Variants in CSMD3 observed in about 807,000 individuals in gnomAD.
CSMD3 encodes CUB and Sushi multiple domains 3.
A neutral mutation model predicts 435.2 loss-of-function variants in CSMD3; 177 were observed. The observed-to-expected ratio is 0.41, with a 90% confidence interval of 0.36 to 0.46. CSMD3 has a LOEUF of 0.46. Ranked by LOEUF, CSMD3 falls within the 20% of genes least tolerant of loss-of-function variation. The pLI, the probability that CSMD3 is intolerant of heterozygous loss-of-function variation, is 0.34. For missense variants in CSMD3, 4,265 were observed against 4,504.6 expected, an observed-to-expected ratio of 0.95 and a Z score of 1.52; for synonymous variants, 1,656 against 1,520.5, an observed-to-expected ratio of 1.09 and a Z score of -2.07.
intron 2 of CSMD3, among the ~76,000 whole-genome samples, chr8:113,308,174 AATG>A (rs931933149): frequency 3.3e-5 from 5 of 150,840 alleles, no homozygotes; most frequent in Non-Finnish European, 7.4e-5. Flanking sequence ...GATTTTTCTT[AATG>A]ATGATTGATG....
intron 27 of CSMD3, among the ~76,000 whole-genome samples, chr8:112,537,358 C>G (rs901600167): frequency 6.6e-6 from 1 of 150,978 alleles, no homozygotes; most frequent in South Asian, 2.1e-4. Context: ...ACAAATCAAA[C>G]CCCAAATTAG....
chr8:112,692,966 T>TATC (rs1251541683), intron 13 of CSMD3, among the ~76,000 whole-genome samples: 1 of 134,080 alleles, frequency 7.5e-6, no homozygotes, highest in Non-Finnish European at 1.6e-5. Context: ...TCTATCTATC[T>TATC]ATCTATCGAG....
intron 23 of CSMD3, among the ~76,000 whole-genome samples, chr8:112,579,982 A>G (rs1224180270): frequency 6.6e-6 from 1 of 152,102 alleles, no homozygotes; most frequent in Non-Finnish European, 1.5e-5. Flanking sequence ...ATTGCCTTGA[A>G]TTTTGGAATA....
intron 70 of CSMD3, 117 bp from the exon 71 acceptor site, chr8:112,225,047 A>G (rs1812445058): frequency 3.0e-6 from 3 of 987,940 alleles, no homozygotes; most frequent in African/African-American, 1.6e-5. Flanking sequence ...ATTAATTGAG[A>G]CATCATAAAC....
At chr8:113,393,531 T>G (rs539710438) in intron 1 of CSMD3, among the ~76,000 whole-genome samples, 1 of 152,204 alleles carries the variant, frequency 6.6e-6, no homozygotes, top group East Asian at 1.9e-4. Flanking sequence ...TGGAAATAAA[T>G]TGAAGTGCAG....
intron 4 of CSMD3, among the ~76,000 whole-genome samples, chr8:113,112,473 GT>G (rs2131602722): frequency 5.6e-5 from 1 of 17,958 alleles, no homozygotes; most frequent in East Asian, 5.5e-3. Flanking sequence ...ACACACACAC[GT>G]ACACACACAC....
chr8:112,534,218 A>T (rs1825824732), intron 27 of CSMD3, among the ~76,000 whole-genome samples: 1 of 152,182 alleles, frequency 6.6e-6, no homozygotes, highest in Non-Finnish European at 1.5e-5. Flanking sequence ...GTCTTCAAAA[A>T]ATTAATGAAT....
intron 6 of CSMD3, among the ~76,000 whole-genome samples, chr8:112,980,142 AG>A (rs2084996775): frequency 6.6e-6 from 1 of 150,678 alleles, no homozygotes; most frequent in African/African-American, 2.4e-5. Context: ...ACCTCATGAT[AG>A]AATTTGAACT....
chr8:113,376,970 G>A (rs2094388270), intron 1 of CSMD3: 2 of 1,508,542 alleles, frequency 1.3e-6, no homozygotes, highest in Admixed American at 3.5e-5. Context: ...CTAAAGGTGT[G>A]TGCGCTGCGC....
At chr8:113,246,123 A>G (rs917989098) in intron 3 of CSMD3, among the ~76,000 whole-genome samples, 10 of 151,990 alleles carry the variant, frequency 6.6e-5, no homozygotes, top group African/African-American at 2.4e-4. Context: ...GATTCTTAAT[A>G]GAATTCAGAA....
intron 17 of CSMD3, among the ~76,000 whole-genome samples, chr8:112,659,704 A>C (rs1236215673): frequency 6.6e-6 from 1 of 152,192 alleles, no homozygotes; most frequent in Non-Finnish European, 1.5e-5. Context: ...ATTCCTTTGC[A>C]GATCTGAGAG....
intron 4 of CSMD3, among the ~76,000 whole-genome samples, chr8:113,118,146 C>T (rs945483139): frequency 1.3e-5 from 2 of 152,128 alleles, no homozygotes; most frequent in East Asian, 1.9e-4. Flanking sequence ...CCATCAGTCT[C>T]GATTACAATA....
rs145515049 is a variant in CSMD3, at chr8:112,847,379, G to A, written c.1755+11766C>T. 1.6e-4 allele frequency among the ~76,000 whole-genome samples: 24 copies of A among 152,214 alleles called. No homozygotes were observed. In the East Asian group the frequency reaches 3.3e-3, roughly 21 times the overall value. The stretch of plus-strand genomic sequence containing the variant: ...ATCACTTACCCTATGATCATGGGGT[G>A]CAGAAGTATGAGAGCACAGCTTCTT... On this transcript the variant is annotated intron_variant, in intron 11 of 70. Transcript: ENST00000297405.
At chr8:112,691,993 G>T (rs928798768) in intron 13 of CSMD3, among the ~76,000 whole-genome samples, 3 of 151,926 alleles carry the variant, frequency 2.0e-5, no homozygotes, top group African/African-American at 4.8e-5. Flanking sequence ...AGTAGAGATG[G>T]GGTTTCACTG....
At position 112,313,778 on chromosome 8, in the gene CSMD3, T is replaced by C. The variant is rs1822207899; in HGVS notation, c.7696+128A>G. 6 of 722,422 alleles carry C rather than the reference T, an allele frequency of 8.3e-6. No individual in the cohort carries two copies. The South Asian group carries it at 9.8e-5, about 12-fold the overall frequency. The allele number at this position is 722,422 out of a possible 1,614,324, so 44.8% of individuals were successfully genotyped here. A position where few individuals can be genotyped will look rare whatever the true frequency, so the allele number is the denominator to read the frequency against. The stretch of plus-strand genomic sequence containing the variant: ...GGAAATAGAGAGGTTACATAAATTG[T>C]CCAGGAACCATCAATGGAGGAGCTG... On this transcript the variant is annotated intron_variant, in intron 49 of 70. Transcript: ENST00000297405.
At chr8:113,237,023 G>A (rs1056353703) in intron 3 of CSMD3, among the ~76,000 whole-genome samples, 1 of 152,114 alleles carries the variant, frequency 6.6e-6, no homozygotes, top group Admixed American at 6.6e-5. Context: ...CCAGTCTGGG[G>A]TTCCCTTTAG....
chr8:112,328,425 G>T lies in CSMD3; in HGVS notation c.7165+6904C>A, dbSNP rs901607409. ...GAAGATAGAAGTGTGTTCCAGCAGG[G>T]TTTAAATTACTTTACAAATATCCCT... On this transcript the variant is annotated intron_variant, in intron 45 of 70. Coordinates refer to ENST00000297405, the MANE Select transcript of CSMD3 (RefSeq NM_198123.2). Among the ~76,000 whole-genome samples, 4 of 152,090 alleles carry T rather than the reference G, an allele frequency of 2.6e-5. 1 individual carries two copies. The highest frequency in any genetic ancestry group is 4.8e-5 in the African/African-American group (2 of 41,426).
At chr8:113,064,632 C>G (rs1162059678) in intron 5 of CSMD3, among the ~76,000 whole-genome samples, 1 of 152,070 alleles carries the variant, frequency 6.6e-6, no homozygotes, top group Non-Finnish European at 1.5e-5. Flanking sequence ...GATAAGGCCA[C>G]CCAGTGGTGA....
At chr8:112,902,710 G>A (rs1417557571) in intron 10 of CSMD3, among the ~76,000 whole-genome samples, 1 of 151,182 alleles carries the variant, frequency 6.6e-6, no homozygotes, top group Non-Finnish European at 1.5e-5. Context: ...TTGGATTGTT[G>A]TCAATAATCT....
Sources: gnomAD v4.1 joint callset for allele counts (sites outside exome capture counted in the v4.1 genomes callset) on GRCh38, gnomAD v4.1.1 for gene constraint, MANE v1.5 for transcripts, NCBI Gene and HGNC (gene_info 2026-07-23, HGNC 2026-07-21) for gene names.